CTNNA3: variants seen among roughly 807,000 people sequenced by gnomAD.
CTNNA3 encodes the protein catenin alpha 3, also known as catenin alpha-3.
CTNNA3 carries 76 observed loss-of-function variants against 95.7 expected under a neutral mutation model. That is an observed-to-expected ratio of 0.79 (90% CI 0.66 to 0.96). The LOEUF is 0.96. Among genes scored for constraint, CTNNA3 ranks in the 40% least tolerant of loss-of-function variants. The pLI, the probability that CTNNA3 is intolerant of heterozygous loss-of-function variation, is 0.00. For missense variants in CTNNA3, 1,191 were observed against 1,089.8 expected (o/e 1.09, Z -1.31); for synonymous variants, 431 against 374.4 (o/e 1.15, Z -1.74).
At chr10:66,915,215 CA>C (rs887980546) in intron 7 of CTNNA3, among the ~76,000 whole-genome samples, 8 of 146,542 alleles carry the variant, frequency 5.5e-5, no homozygotes, top group African/African-American at 2.0e-4. Context: ...AAGCACGAAC[CA>C]AAGTATATCT....
intron 2 of CTNNA3, among the ~76,000 whole-genome samples, chr10:67,608,669 G>A (rs1443727437): frequency 1.3e-5 from 2 of 151,700 alleles, no homozygotes; most frequent in Non-Finnish European, 2.9e-5. Context: ...AAAGCTTGGG[G>A]AAAAAAAGAA....
intron 3 of CTNNA3, among the ~76,000 whole-genome samples, chr10:67,580,341 G>A (rs1842341163): frequency 6.6e-6 from 1 of 151,998 alleles, no homozygotes. Flanking sequence ...GTTTTTGTCA[G>A]GTTTGTCAAA....
intron 7 of CTNNA3, among the ~76,000 whole-genome samples, chr10:67,109,899 C>T (rs992931213): frequency 2.6e-5 from 4 of 152,202 alleles, no homozygotes; most frequent in Admixed American, 2.6e-4. Context: ...CAGAACATGT[C>T]CGTATTAACT....
At chr10:66,702,199 G>A (rs999672322) in intron 9 of CTNNA3, among the ~76,000 whole-genome samples, 4 of 151,846 alleles carry the variant, frequency 2.6e-5, no homozygotes, top group Admixed American at 6.6e-5. Context: ...CAGAATTCCC[G>A]TAACAGCTGT....
chr10:66,251,420 A>C (rs1294337968), intron 13 of CTNNA3, among the ~76,000 whole-genome samples: 1 of 152,064 alleles, frequency 6.6e-6, no homozygotes, highest in African/African-American at 2.4e-5. Flanking sequence ...TAGTCATTTT[A>C]TCAGTTTCCA....
rs369916891 is a variant in CTNNA3, at chr10:67,392,071, C to A, written c.579+129771G>T. Among the ~76,000 whole-genome samples, 69 of 152,084 alleles carry A rather than the reference C, an allele frequency of 4.5e-4. 1 individual carries two copies. The East Asian group carries it at 0.012, about 26-fold the overall frequency. On this transcript the variant is annotated intron_variant, in intron 5 of 17. Transcript: ENST00000433211. ...TTGACAAATGGGATCTAATTAAACT[C>A]AAGAGCTTCTGCACAGCAAAACAAA...
intron 7 of CTNNA3, among the ~76,000 whole-genome samples, chr10:66,937,124 T>G (rs1847751879): frequency 6.6e-6 from 1 of 152,102 alleles, no homozygotes; most frequent in East Asian, 1.9e-4. Flanking sequence ...ATACAAAGTC[T>G]TTCTCCTTAA....
intron 1 of CTNNA3, among the ~76,000 whole-genome samples, chr10:67,684,960 C>A (rs1281748887): frequency 6.6e-6 from 1 of 152,140 alleles, no homozygotes. Context: ...CTATCCCTGA[C>A]TGGTTAGTGT....
In CTNNA3 at chr10:66,421,897, G is replaced by GATGTGTATATATATATATAT; in HGVS notation, c.1532-42546_1532-42545insATATATATATATATACACAT. ...TTTCTAAGAGCTTCATAATAAATGT[G>GATGTGTATATATATATATAT]ATATATATATATATATATACACACA... On this transcript the variant is annotated intron_variant, in intron 11 of 17. Transcript: ENST00000433211. 3.1e-4 allele frequency among the ~76,000 whole-genome samples: 33 copies of GATGTGTATATATATATATAT among 108,146 alleles called. 2 individuals carry two copies. The highest frequency in any genetic ancestry group is 5.2e-4 in the Non-Finnish European group (27 of 51,472). 70.9% of individuals were successfully genotyped at this position (108,146 alleles called of 152,430 possible).
At position 66,727,125 on chromosome 10, in the gene CTNNA3, A is replaced by G. The variant is rs1420960576; in HGVS notation, c.1281+39139T>C. Among the ~76,000 whole-genome samples the G allele has an allele frequency of 3.9e-5, 6 of 152,248 alleles. No homozygotes were observed. The East Asian group carries it at 5.8e-4, about 15-fold the overall frequency. ...TGTTATGGGAGACAATAATTTTCCT[A>G]TGCTAGAAATTGTTTAGGCAAAGGC... On this transcript the variant is annotated intron_variant, in intron 9 of 17. Coordinates refer to ENST00000433211, the MANE Select transcript of CTNNA3 (RefSeq NM_013266.4).
intron 10 of CTNNA3, among the ~76,000 whole-genome samples, chr10:66,616,777 A>G (rs1475045402): frequency 6.6e-6 from 1 of 152,012 alleles, no homozygotes; most frequent in Admixed American, 6.6e-5. Flanking sequence ...TCTAAAATCA[A>G]TCTAGCCTAT....
At chr10:66,364,933 C>T (rs2092701122) in intron 12 of CTNNA3, among the ~76,000 whole-genome samples, 1 of 152,076 alleles carries the variant, frequency 6.6e-6, no homozygotes, top group East Asian at 1.9e-4. Flanking sequence ...TTTCCTCTTC[C>T]ACAGTATTCC....
intron 1 of CTNNA3, among the ~76,000 whole-genome samples, chr10:67,693,335 T>A (rs566967810): frequency 2.0e-5 from 3 of 152,118 alleles, no homozygotes; most frequent in African/African-American, 7.2e-5. Flanking sequence ...AAATCCAGTA[T>A]CCAAACAAGA....
At position 66,060,431 on chromosome 10, in the gene CTNNA3, G is replaced by A. The variant is rs961469867; in HGVS notation, c.2159+8877C>T. On this transcript the variant is annotated intron_variant, in intron 15 of 17. Coordinates refer to ENST00000433211, the MANE Select transcript of CTNNA3 (RefSeq NM_013266.4). ...TTCAAGTCTCACTAAAACTATATATGAGTTATTTTTGTTTATTTCTAAAGA... is the reference window on the plus strand; with the variant it reads ...TTCAAGTCTCACTAAAACTATATATAAGTTATTTTTGTTTATTTCTAAAGA... Among the ~76,000 whole-genome samples, 17 of 151,960 alleles carry A rather than the reference G, an allele frequency of 1.1e-4. No homozygotes were observed. The East Asian group carries it at 3.3e-3, about 29-fold the overall frequency.
chr10:67,057,759 T>C (rs1189622763), intron 7 of CTNNA3, among the ~76,000 whole-genome samples: 4 of 152,118 alleles, frequency 2.6e-5, no homozygotes, highest in African/African-American at 7.2e-5. Flanking sequence ...TCACTCTCTC[T>C]CCCACTCTCA....
At chr10:66,015,242 G>T (rs1037115044) in intron 15 of CTNNA3, among the ~76,000 whole-genome samples, 2 of 152,098 alleles carry the variant, frequency 1.3e-5, no homozygotes, top group African/African-American at 4.8e-5. Flanking sequence ...TCTATCAGGA[G>T]AATATTAACC....
chr10:67,622,991 AC>A, intron 2 of CTNNA3, among the ~76,000 whole-genome samples: 1 of 152,238 alleles, frequency 6.6e-6, no homozygotes, highest in East Asian at 1.9e-4. Flanking sequence ...TATAGTCAAA[AC>A]TCCAATATTT....
At chr10:67,692,189 C>T (rs1840878265) in intron 1 of CTNNA3, among the ~76,000 whole-genome samples, 1 of 150,856 alleles carries the variant, frequency 6.6e-6, no homozygotes, top group East Asian at 2.0e-4. Context: ...GCCGCCCCTA[C>T]TGGGAAGTGA....
intron 5 of CTNNA3, among the ~76,000 whole-genome samples, chr10:67,482,082 G>A (rs909062862): frequency 2.6e-5 from 4 of 151,872 alleles, no homozygotes; most frequent in Admixed American, 1.3e-4. Context: ...TATTTCTGAG[G>A]GCTCTGTTCT....
Sources: gnomAD v4.1 joint callset for allele counts (sites outside exome capture counted in the v4.1 genomes callset) on GRCh38, gnomAD v4.1.1 for gene constraint, MANE v1.5 for transcripts, NCBI Gene and HGNC (gene_info 2026-07-23, HGNC 2026-07-21) for gene names.